The following SCUBE2 variants were observed in gnomAD, a reference collection of about 807,000 sequenced individuals.
SCUBE2 encodes signal peptide, CUB and EGF-like domain-containing protein 2.
In SCUBE2, 114 loss-of-function variants were observed where a neutral mutation model predicts 125.9. The observed-to-expected ratio is 0.91, with a 90% CI of 0.78 to 1.06. The LOEUF (loss-of-function observed/expected upper bound fraction) is 1.06. Ranked by LOEUF, SCUBE2 falls within the 50% of genes least tolerant of loss-of-function variation. The pLI is 0.00. For synonymous variants in SCUBE2, 459 were observed against 492.9 expected (o/e 0.93, Z 0.91); for missense variants, 1,255 against 1,301.8 (o/e 0.96, Z 0.55).
intron 2 of SCUBE2, among the ~76,000 whole-genome samples, chr11:9,083,899 T>G (rs1861857158): frequency 6.6e-6 from 1 of 152,210 alleles, no homozygotes. Flanking sequence ...CTAATTGTTT[T>G]TAATATATAT....
chr11:9,050,363 C>G, intron 14 of SCUBE2: 1 of 442,322 alleles, frequency 2.3e-6, no homozygotes, highest in Non-Finnish European at 4.0e-6. Context: ...TCCCCAGAGC[C>G]TCACCAACTA....
chr11:9,032,318 C>G (rs1455783553), intron 17 of SCUBE2, among the ~76,000 whole-genome samples: 1 of 152,058 alleles, frequency 6.6e-6, no homozygotes, highest in Non-Finnish European at 1.5e-5. Context: ...CAAACGAGGT[C>G]TCACTATGTT....
At chr11:9,058,407 C>A (rs1044712354) in intron 9 of SCUBE2, among the ~76,000 whole-genome samples, 4 of 151,780 alleles carry the variant, frequency 2.6e-5, no homozygotes, top group African/African-American at 9.7e-5. Context: ...ACCAGCCTGA[C>A]CAACATAGGG....
chr11:9,082,851 G>C (rs1324904020), intron 2 of SCUBE2, among the ~76,000 whole-genome samples: 1 of 152,184 alleles, frequency 6.6e-6, no homozygotes, highest in East Asian at 1.9e-4. Flanking sequence ...CAAGAACACG[G>C]GGAATCTTAC....
chr11:9,065,531 C>T (rs549988268), intron 7 of SCUBE2, among the ~76,000 whole-genome samples: 2 of 152,278 alleles, frequency 1.3e-5, no homozygotes, highest in Admixed American at 6.5e-5. Flanking sequence ...CAGTTCTTTA[C>T]AGCAGTATGA....
chr11:9,020,943 G>A lies in SCUBE2; in HGVS notation c.*102C>T, dbSNP rs561803359. 150 of 1,010,718 alleles carry A rather than the reference G, an allele frequency of 1.5e-4. 1 individual carries two copies. The highest frequency in any genetic ancestry group is 9.7e-4 in the South Asian group (42 of 43,250). The allele number at this position is 1,010,718 out of a possible 1,614,324, so 62.6% of individuals were successfully genotyped here. A position where few individuals can be genotyped will look rare whatever the true frequency, so the allele number is the denominator to read the frequency against. Reference sequence around the variant, plus strand: ...TTGAACTCTAATGAGTCACTGATACGGGAGGCAGCAATACCCGACTGTGCT... The same window carrying A: ...TTGAACTCTAATGAGTCACTGATACAGGAGGCAGCAATACCCGACTGTGCT... On this transcript the variant is annotated 3_prime_UTR_variant, in exon 23 of 23. Coordinates refer to ENST00000649792, the MANE Select transcript of SCUBE2 (RefSeq NM_001367977.2).
intron 7 of SCUBE2, 137 bp downstream of exon 7, chr11:9,065,754 C>A: frequency 5.8e-6 from 4 of 686,582 alleles, no homozygotes; most frequent in Non-Finnish European, 1.0e-5. Context: ...CAGACACACA[C>A]CCTGGTTCAC....
intron 2 of SCUBE2, among the ~76,000 whole-genome samples, chr11:9,085,501 C>T (rs11827886): frequency 1.3e-4 from 20 of 152,162 alleles, no homozygotes; most frequent in East Asian, 1.2e-3. Context: ...CCAAGGCAGG[C>T]GGATCATGAG....
chr11:9,040,626 C>T (rs1369857358), intron 16 of SCUBE2, among the ~76,000 whole-genome samples: 2 of 150,702 alleles, frequency 1.3e-5, no homozygotes, highest in African/African-American at 4.9e-5. Flanking sequence ...CGTGGGTACG[C>T]AGGAGAAAGG....
intron 13 of SCUBE2, 104 bp from the exon 14 acceptor site, chr11:9,050,814 G>T: frequency 2.3e-6 from 2 of 856,588 alleles, no homozygotes. Context: ...ACCACACACA[G>T]CACACCCTGA....
rs934041151 is a variant in SCUBE2, at chr11:9,020,945, G to A, written c.*100C>T. On this transcript the variant is annotated 3_prime_UTR_variant, in exon 23 of 23. Transcript: ENST00000649792. Reference sequence around the variant, plus strand: ...GAACTCTAATGAGTCACTGATACGGGAGGCAGCAATACCCGACTGTGCTGA... The same window carrying A: ...GAACTCTAATGAGTCACTGATACGGAAGGCAGCAATACCCGACTGTGCTGA... 1.9e-6 allele frequency: 2 copies of A among 1,026,366 alleles called. No homozygotes were observed. The highest frequency in any genetic ancestry group is 1.6e-5 in the African/African-American group (1 of 61,260). The allele number at this position is 1,026,366 out of a possible 1,614,324, so 63.6% of individuals were successfully genotyped here.
intron 17 of SCUBE2, 107 bp from the exon 18 acceptor site, chr11:9,031,032 G>A (rs1439841802): frequency 2.1e-5 from 22 of 1,028,330 alleles, no homozygotes; most frequent in African/African-American, 3.2e-5. Context: ...AGTGCTGACC[G>A]CAGTTCCCAC....
At chr11:9,056,270 T>G (rs1022877980) in intron 9 of SCUBE2, among the ~76,000 whole-genome samples, 2 of 152,228 alleles carry the variant, frequency 1.3e-5, no homozygotes, top group African/African-American at 4.8e-5. Context: ...TAGCTATGCA[T>G]TTTTATTGTC....
Position 9,047,473 on chromosome 11 carries a change from GC to G in SCUBE2, c.1884del (p.Glu628AspfsTer10). ...ATGCCTGAGAGCTGGAGGTGAAACT[GC>G]TCCCTGTGGACGGCCTTTCTGAGCG... ...IRTLRKAVHREQFHLQLSGMN... is the reference protein window; with the variant it reads ...IRTLRKAVHRXQFHLQLSGMN... On this transcript the variant is annotated frameshift_variant, in exon 16 of 23. Coordinates refer to ENST00000649792, the MANE Select transcript of SCUBE2 (RefSeq NM_001367977.2). LOFTEE classifies it high-confidence loss of function. The G allele has an allele frequency of 6.2e-7, 1 of 1,614,076 alleles. No individual in the cohort carries two copies. Among genetic ancestry groups the G allele is most frequent in the Non-Finnish European group, 8.5e-7 (1 of 1,180,018 alleles).
intron 4 of SCUBE2, among the ~76,000 whole-genome samples, chr11:9,071,366 G>A (rs1313730025): frequency 6.6e-6 from 1 of 152,194 alleles, no homozygotes; most frequent in Non-Finnish European, 1.5e-5. Context: ...GTGATACACA[G>A]AGAACCTACC....
Position 9,019,856 on chromosome 11 carries a change from A to AT in SCUBE2, c.*1188dup, listed in dbSNP as rs963974078. ...ATTCCTTTTTATTCACTGTAATGAG[A>AT]TTTTTGCTTGGGGATTTAAATGTTT... is the stretch of plus-strand genomic sequence containing the variant. On this transcript the variant is annotated 3_prime_UTR_variant, in exon 23 of 23. Coordinates refer to ENST00000649792, the MANE Select transcript of SCUBE2 (RefSeq NM_001367977.2). Among the ~76,000 whole-genome samples, 15 of 152,280 alleles carry AT rather than the reference A, an allele frequency of 9.9e-5. No individual in the cohort carries two copies. Among genetic ancestry groups the AT allele is most frequent in the African/African-American group, 3.4e-4 (14 of 41,542 alleles).
intron 2 of SCUBE2, among the ~76,000 whole-genome samples, chr11:9,082,397 A>G (rs1861711583): frequency 6.6e-6 from 1 of 152,100 alleles, no homozygotes; most frequent in South Asian, 2.1e-4. Context: ...GTGATATCCA[A>G]GAAATTATCT....
Position 9,053,204 on chromosome 11 carries a change from G to T in SCUBE2, c.1342C>A (p.Leu448Ile). 6.2e-7 allele frequency: 1 copy of T among 1,613,922 alleles called. No homozygotes were observed. The highest frequency in any genetic ancestry group is 8.5e-7 in the Non-Finnish European group (1 of 1,179,788). ...CGGGGTGACACACTTGTGGGCAGGAGCCCCTTCACTTCTAGACAGGACAAA... is the reference window on the plus strand; with the variant it reads ...CGGGGTGACACACTTGTGGGCAGGATCCCCTTCACTTCTAGACAGGACAAA... ...NKKDCVEVKGLLPTSVSPRVS... is the reference protein window; with the variant it reads ...NKKDCVEVKGILPTSVSPRVS... The change falls in exon 12 of 23, where the codon CTC becomes ATC. Residue 448 changes from leucine (L) to isoleucine (I), a missense_variant. Physicochemically the swap from Leu to Ile is conservative, Grantham distance 5 (BLOSUM62 2). This residue lies in a region of SCUBE2 where 378 missense variants were observed against 463.1 expected (regional missense o/e 0.82). Coordinates refer to ENST00000649792, the MANE Select transcript of SCUBE2 (RefSeq NM_001367977.2).
chr11:9,073,214 T>G (rs1435524965), intron 4 of SCUBE2, among the ~76,000 whole-genome samples: 1 of 152,056 alleles, frequency 6.6e-6, no homozygotes, highest in Non-Finnish European at 1.5e-5. Context: ...TGGACAAGAG[T>G]GCAGGGCACA....
Sources: allele counts gnomAD v4.1 joint callset (sites outside exome capture counted in the v4.1 genomes callset), GRCh38; gene constraint gnomAD v4.1.1; regional missense constraint gnomAD v4.1.1; transcripts MANE v1.5; gene names NCBI Gene and HGNC (gene_info 2026-07-23, HGNC 2026-07-21).